ZNF804B: variants seen among roughly 807,000 people sequenced by gnomAD.
The protein encoded by ZNF804B is zinc finger 804B.
ZNF804B carries 80 observed loss-of-function variants against 101.4 expected under a neutral mutation model. The observed-to-expected ratio is 0.79, with a 90% CI of 0.66 to 0.95. The LOEUF (loss-of-function observed/expected upper bound fraction) is 0.95, where lower values mean the gene tolerates loss of function less well. ZNF804B is among the 40% of genes least tolerant of loss of function. ZNF804B has a pLI of 0.00. For missense variants in ZNF804B, 1,673 were observed against 1,561.9 expected (o/e 1.07, Z -1.20); for synonymous variants, 622 against 558.8 (o/e 1.11, Z -1.59).
At chr7:88,808,025 C>T (rs1038589352) in intron 1 of ZNF804B, among the ~76,000 whole-genome samples, 7 of 152,054 alleles carry the variant, frequency 4.6e-5, no homozygotes, top group African/African-American at 1.7e-4. Flanking sequence ...ATGCAGTGAA[C>T]CTCAAATGAC....
At chr7:89,265,265 AGTGTGTGTGTGTGT>A (rs71102029) in intron 2 of ZNF804B, among the ~76,000 whole-genome samples, 5 of 145,126 alleles carry the variant, frequency 3.4e-5, no homozygotes, top group South Asian at 2.2e-4. Flanking sequence ...AGGTTAAGTC[AGTGTGTGTGTGTGT>A]GTGTGTGTGT....
At chr7:89,198,096 T>C (rs1464661434) in intron 1 of ZNF804B, among the ~76,000 whole-genome samples, 1 of 151,832 alleles carries the variant, frequency 6.6e-6, no homozygotes, top group Admixed American at 6.6e-5. Context: ...CCTTTGCAAA[T>C]AGATTATTAA....
chr7:88,995,010 C>T (rs1051374078), intron 1 of ZNF804B, among the ~76,000 whole-genome samples: 6 of 152,004 alleles, frequency 3.9e-5, no homozygotes, highest in Non-Finnish European at 5.9e-5. Context: ...GTTGTTATGT[C>T]ATTGGCTTTG....
At chr7:89,075,540 G>A (rs571868439) in intron 1 of ZNF804B, among the ~76,000 whole-genome samples, 21 of 152,312 alleles carry the variant, frequency 1.4e-4, no homozygotes, top group African/African-American at 5.1e-4. Flanking sequence ...GAGGATGTGT[G>A]GAAATGCCTG....
In ZNF804B at chr7:88,962,520, G is replaced by A. The variant is rs544412989; in HGVS notation, c.108+202436G>A. ...GTTCCTAACGAGGTGGCTGCGAATC[G>A]ATAATTAGAAGGAACATTCTCCATG... On this transcript the variant is annotated intron_variant, in intron 1 of 3. Transcript: ENST00000333190. Among the ~76,000 whole-genome samples, 11 of 150,722 alleles carry A rather than the reference G, an allele frequency of 7.3e-5. No individual in the cohort carries two copies. In the East Asian group the frequency reaches 1.6e-3, roughly 22 times the overall value.
intron 1 of ZNF804B, among the ~76,000 whole-genome samples, chr7:89,053,036 G>A (rs529098171): frequency 2.6e-5 from 4 of 152,012 alleles, no homozygotes; most frequent in Non-Finnish European, 5.9e-5. Flanking sequence ...CAAAAGAATC[G>A]CCAACTTCTC....
intron 1 of ZNF804B, among the ~76,000 whole-genome samples, chr7:89,037,575 A>T (rs1049953314): frequency 1.3e-5 from 2 of 151,722 alleles, no homozygotes; most frequent in Admixed American, 6.6e-5. Context: ...GGATATATAT[A>T]TATATATATA....
At chr7:89,260,888 C>T (rs750457640) in intron 2 of ZNF804B, among the ~76,000 whole-genome samples, 10 of 152,168 alleles carry the variant, frequency 6.6e-5, no homozygotes, top group Non-Finnish European at 1.3e-4. Flanking sequence ...GGAACACTTC[C>T]AGCATCACTA....
At chr7:89,233,867 G>A (rs1278106317) in intron 2 of ZNF804B, among the ~76,000 whole-genome samples, 2 of 152,076 alleles carry the variant, frequency 1.3e-5, no homozygotes, top group East Asian at 1.9e-4. Flanking sequence ...CAGGTGATCC[G>A]CCTGCCTCGG....
intron 2 of ZNF804B, among the ~76,000 whole-genome samples, chr7:89,276,005 C>A (rs139889597): frequency 6.6e-6 from 1 of 151,774 alleles, no homozygotes; most frequent in South Asian, 2.1e-4. Flanking sequence ...GGAATGAGAG[C>A]GTGTTCTTTG....
chr7:89,049,021 T>C (rs1409507584), intron 1 of ZNF804B, among the ~76,000 whole-genome samples: 1 of 152,002 alleles, frequency 6.6e-6, no homozygotes, highest in African/African-American at 2.4e-5. Context: ...TTCTTGTAAA[T>C]AGCCAAGAGT....
chr7:89,184,086 G>A (rs1477659203), intron 1 of ZNF804B, among the ~76,000 whole-genome samples: 2 of 152,120 alleles, frequency 1.3e-5, no homozygotes, highest in African/African-American at 4.8e-5. Flanking sequence ...AGAATAGAAT[G>A]ATGGAATCAT....
intron 1 of ZNF804B, among the ~76,000 whole-genome samples, chr7:89,081,212 T>A (rs1789693012): frequency 6.6e-6 from 1 of 151,878 alleles, no homozygotes; most frequent in Non-Finnish European, 1.5e-5. Context: ...AATTTGAAAC[T>A]TATTCAGTGC....
intron 1 of ZNF804B, among the ~76,000 whole-genome samples, chr7:89,169,290 A>G (rs575230650): frequency 2.6e-5 from 4 of 152,202 alleles, no homozygotes; most frequent in Non-Finnish European, 5.9e-5. Flanking sequence ...CAGAGCTCCC[A>G]TAGGGGACCC....
chr7:88,780,653 C>T (rs1790212137), intron 1 of ZNF804B, among the ~76,000 whole-genome samples: 2 of 151,960 alleles, frequency 1.3e-5, no homozygotes, highest in Non-Finnish European at 2.9e-5. Context: ...TCCCAAAATG[C>T]TAGGATTACA....
chr7:88,816,873 C>T (rs1482509766), intron 1 of ZNF804B, among the ~76,000 whole-genome samples: 6 of 147,430 alleles, frequency 4.1e-5, no homozygotes, highest in African/African-American at 1.5e-4. Flanking sequence ...CCCAGCAATG[C>T]CATTACTGGG....
chr7:89,029,724 A>G (rs1403144425), intron 1 of ZNF804B, among the ~76,000 whole-genome samples: 1 of 152,182 alleles, frequency 6.6e-6, no homozygotes. Flanking sequence ...CAGACTTAAC[A>G]TAATGATACA....
intron 1 of ZNF804B, among the ~76,000 whole-genome samples, chr7:88,818,460 T>C (rs191878993): frequency 8.3e-4 from 126 of 152,312 alleles, no homozygotes; most frequent in African/African-American, 3.0e-3. Context: ...TATACCGTTA[T>C]GATGCACATG....
intron 1 of ZNF804B, among the ~76,000 whole-genome samples, chr7:88,808,203 C>G (rs1370285733): frequency 2.0e-5 from 3 of 151,764 alleles, no homozygotes; most frequent in Non-Finnish European, 4.4e-5. Flanking sequence ...ACCCGTCTGG[C>G]CAACATGGTG....
Sources: gnomAD v4.1 joint callset for allele counts (sites outside exome capture counted in the v4.1 genomes callset) on GRCh38, gnomAD v4.1.1 for gene constraint, MANE v1.5 for transcripts, NCBI Gene and HGNC (gene_info 2026-07-23, HGNC 2026-07-21) for gene names.